The following CAMK4 variants were observed in gnomAD, a reference collection of about 807,000 sequenced individuals.
CAMK4 encodes the protein calcium/calmodulin-dependent protein kinase type IV.
CAMK4 carries 22 observed loss-of-function variants against 44.9 expected under a neutral mutation model. The observed-to-expected ratio is 0.49, with a 90% CI of 0.35 to 0.70. The LOEUF (loss-of-function observed/expected upper bound fraction) is 0.70. Ranked by LOEUF, CAMK4 falls within the 30% of genes least tolerant of loss-of-function variation. The pLI, the probability that CAMK4 is intolerant of heterozygous loss-of-function variation, is 0.01. For missense variants in CAMK4, 498 were observed against 586.8 expected, an observed-to-expected ratio of 0.85 and a Z score of 1.56; for synonymous variants, 218 against 215.4, an observed-to-expected ratio of 1.01 and a Z score of -0.11.
intron 2 of CAMK4, among the ~76,000 whole-genome samples, chr5:111,366,369 A>G (rs1028583313): frequency 1.3e-5 from 2 of 152,146 alleles, no homozygotes; most frequent in African/African-American, 4.8e-5. Context: ...TTAGTTGCAC[A>G]GGTCACCCCA....
rs2112508135 is a variant in CAMK4, at chr5:111,485,536, A to G, written c.*1070A>G. 1 of 152,220 alleles carries G rather than the reference A, an allele frequency of 6.6e-6. No individual in the cohort carries two copies. Among genetic ancestry groups the G allele is most frequent in the East Asian group, 1.9e-4 (1 of 5,190 alleles). 9.4% of individuals were successfully genotyped at this position (152,220 alleles called of 1,614,324 possible). A position where few individuals can be genotyped will look rare whatever the true frequency, so the allele number is the denominator to read the frequency against. ...TATTGTTTATCAAAGCTCTTTTTTT[A>G]TCCAATTGATGGTTATCTACACATA... On this transcript the variant is annotated 3_prime_UTR_variant, in exon 11 of 11. Transcript: ENST00000282356.
chr5:111,313,265 T>G (rs1363899533), intron 1 of CAMK4, among the ~76,000 whole-genome samples: 1 of 152,116 alleles, frequency 6.6e-6, no homozygotes, highest in Non-Finnish European at 1.5e-5. Flanking sequence ...ACAGAAATGC[T>G]TCTACCCCAT....
chr5:111,251,326 G>A (rs1218666049), intron 1 of CAMK4, among the ~76,000 whole-genome samples: 1 of 152,226 alleles, frequency 6.6e-6, no homozygotes, highest in Non-Finnish European at 1.5e-5. Context: ...TTCAGAGGAA[G>A]AGATTTCTTT....
chr5:111,488,538 A>C lies in CAMK4; in HGVS notation c.*4072A>C, dbSNP rs952325936. 1 of 152,210 alleles carries C rather than the reference A, an allele frequency of 6.6e-6. No homozygotes were observed. The highest frequency in any genetic ancestry group is 6.5e-5 in the Admixed American group (1 of 15,272). 9.4% of individuals were successfully genotyped at this position (152,210 alleles called of 1,614,324 possible). A position where few individuals can be genotyped will look rare whatever the true frequency, so the allele number is the denominator to read the frequency against. ...TAGCAATCCCTATGTCCTGTTTCAC[A>C]TGCATGGTAACTGATGGTGGGTTGC... On this transcript the variant is annotated 3_prime_UTR_variant, in exon 11 of 11. Transcript: ENST00000282356.
intron 2 of CAMK4, among the ~76,000 whole-genome samples, chr5:111,360,493 G>C (rs1750549045): frequency 6.6e-6 from 1 of 152,054 alleles, no homozygotes; most frequent in African/African-American, 2.4e-5. Flanking sequence ...AACCAGTCCA[G>C]GGGTCACAAG....
rs1444212575 is a variant in CAMK4, at chr5:111,487,694, T to G, written c.*3228T>G. 1.3e-5 allele frequency: 2 copies of G among 152,208 alleles called. No individual in the cohort carries two copies. The highest frequency in any genetic ancestry group is 2.9e-5 in the Non-Finnish European group (2 of 68,034). The allele number at this position is 152,208 out of a possible 1,614,324, so 9.4% of individuals were successfully genotyped here. ...AAAATCAAGAGTGTATGTTAGGCCT[T>G]TGGGACATCAAGTGCTCAATAGTCA... On this transcript the variant is annotated 3_prime_UTR_variant, in exon 11 of 11. Transcript: ENST00000282356.
At chr5:111,310,636 C>T (rs1748162001) in intron 1 of CAMK4, among the ~76,000 whole-genome samples, 2 of 152,176 alleles carry the variant, frequency 1.3e-5, no homozygotes, top group Non-Finnish European at 2.9e-5. Context: ...TCAACAAAGA[C>T]AGCTAGTATT....
chr5:111,447,009 A>G (rs1754054758), intron 6 of CAMK4, among the ~76,000 whole-genome samples: 1 of 152,218 alleles, frequency 6.6e-6, no homozygotes, highest in Admixed American at 6.5e-5. Context: ...CACACAAAGG[A>G]ATCACAGCTT....
chr5:111,324,697 T>G (rs1043039068), intron 1 of CAMK4, among the ~76,000 whole-genome samples: 4 of 152,124 alleles, frequency 2.6e-5, no homozygotes, highest in Non-Finnish European at 5.9e-5. Context: ...CACCTTGACT[T>G]AATTGACACT....
At position 111,257,840 on chromosome 5, in the gene CAMK4, T is replaced by G. The variant is rs191851992; in HGVS notation, c.161+33196T>G. Among the ~76,000 whole-genome samples the G allele has an allele frequency of 5.1e-3, 774 of 152,320 alleles. 6 individuals carry two copies. Among genetic ancestry groups the G allele is most frequent in the Admixed American group, 0.024 (374 of 15,298 alleles). On this transcript the variant is annotated intron_variant, in intron 1 of 10. Transcript: ENST00000282356. ...CATAAAAAGGAACAAGATCATGTCC[T>G]TCGCAGGACATGGATGGACCTGGAA...
chr5:111,277,218 A>G (rs143759411), intron 1 of CAMK4, among the ~76,000 whole-genome samples: 1 of 152,338 alleles, frequency 6.6e-6, no homozygotes, highest in African/African-American at 2.4e-5. Context: ...AATCCTTGAG[A>G]TGTCAACTGT....
chr5:111,395,104 G>T (rs1751949142), intron 5 of CAMK4, among the ~76,000 whole-genome samples: 1 of 151,414 alleles, frequency 6.6e-6, no homozygotes, highest in Admixed American at 6.6e-5. Context: ...AACTACTTCA[G>T]GGGCTGAAGC....
intron 4 of CAMK4, among the ~76,000 whole-genome samples, chr5:111,378,849 G>A (rs1751310226): frequency 6.6e-6 from 1 of 152,096 alleles, no homozygotes; most frequent in African/African-American, 2.4e-5. Context: ...GCTTTATGTT[G>A]CTAATAAAGC....
Position 111,242,821 on chromosome 5 carries a change from G to A in CAMK4, c.161+18177G>A, listed in dbSNP as rs145938037. 1.9e-4 allele frequency among the ~76,000 whole-genome samples: 27 copies of A among 145,648 alleles called. No individual in the cohort carries two copies. In the East Asian group the frequency reaches 2.7e-3, roughly 15 times the overall value. On this transcript the variant is annotated intron_variant, in intron 1 of 10. Coordinates refer to ENST00000282356, the MANE Select transcript of CAMK4 (RefSeq NM_001744.6). ...CCTCCATGGTGCACCTTCCCAAACC[G>A]CGCCCCCTCACTCCACGCCCCCTCT...
chr5:111,289,269 C>T (rs534091828), intron 1 of CAMK4, among the ~76,000 whole-genome samples: 22 of 152,232 alleles, frequency 1.4e-4, no homozygotes, highest in South Asian at 6.2e-4. Context: ...TTGCTTGAAC[C>T]GGGGAGGCAG....
At chr5:111,406,395 T>G (rs529862164) in intron 5 of CAMK4, among the ~76,000 whole-genome samples, 4 of 152,042 alleles carry the variant, frequency 2.6e-5, no homozygotes, top group African/African-American at 9.6e-5. Flanking sequence ...GGCTAATTTT[T>G]GTATTTTTTG....
chr5:111,316,727 A>G (rs756827048), intron 1 of CAMK4, among the ~76,000 whole-genome samples: 4 of 152,198 alleles, frequency 2.6e-5, no homozygotes, highest in Non-Finnish European at 5.9e-5. Flanking sequence ...AGGAGCCCAT[A>G]GTACCTCAGT....
At position 111,384,352 on chromosome 5, in the gene CAMK4, C is replaced by G. The variant is rs551558411; in HGVS notation, c.386+7410C>G. On this transcript the variant is annotated intron_variant, in intron 4 of 10. Transcript: ENST00000282356. ...CTTTCGTCCAACTTTTCAGCCGTCT[C>G]CCTCTTGATCTCTTTCCTGAGTTCC... Among the ~76,000 whole-genome samples, 4 of 152,234 alleles carry G rather than the reference C, an allele frequency of 2.6e-5. No individual in the cohort carries two copies. The East Asian group carries it at 5.8e-4, about 22-fold the overall frequency.
intron 1 of CAMK4, among the ~76,000 whole-genome samples, chr5:111,264,994 G>A (rs1014509663): frequency 6.6e-6 from 1 of 151,718 alleles, no homozygotes; most frequent in African/African-American, 2.4e-5. Context: ...CCAATATACG[G>A]TTAGTCCCCT....
Sources: allele counts gnomAD v4.1 joint callset (sites outside exome capture counted in the v4.1 genomes callset), GRCh38; gene constraint gnomAD v4.1.1; transcripts MANE v1.5; gene names NCBI Gene and HGNC (gene_info 2026-07-23, HGNC 2026-07-21).